The following PLA2G4E variants were observed in gnomAD, a reference collection of about 807,000 sequenced individuals.
The protein encoded by PLA2G4E is phospholipase A2 group IVE, also known as cytosolic phospholipase A2 epsilon.
PLA2G4E carries 84 observed loss-of-function variants against 109.1 expected under a neutral mutation model. The ratio of observed to expected loss-of-function variants is 0.77; its 90% confidence interval spans 0.65 to 0.92. PLA2G4E has a LOEUF of 0.92. Ranked by LOEUF, PLA2G4E falls within the 40% of genes least tolerant of loss-of-function variation. PLA2G4E has a pLI of 0.00. For synonymous variants in PLA2G4E, 469 were observed against 436.1 expected, an observed-to-expected ratio of 1.08 and a Z score of -0.94; for missense variants, 1,057 against 1,076.6, an observed-to-expected ratio of 0.98 and a Z score of 0.25.
rs529809046 is a variant in PLA2G4E at position 42,018,918 on chromosome 15, G to A, written c.184-5161C>T. ...AGATATGACTTTTGGCAGGGGTGAGGGTGGGGAACAAAATGTATGACTCTG... is the reference window on the plus strand; with the variant it reads ...AGATATGACTTTTGGCAGGGGTGAGAGTGGGGAACAAAATGTATGACTCTG... On this transcript the variant is annotated intron_variant, in intron 1 of 19. Transcript: ENST00000399518. Among the ~76,000 whole-genome samples, 4 of 152,182 alleles carry A rather than the reference G, an allele frequency of 2.6e-5. 1 individual carries two copies. The South Asian group carries it at 8.3e-4, about 32-fold the overall frequency.
At chr15:42,003,119 T>G (rs889143678) in intron 5 of PLA2G4E, among the ~76,000 whole-genome samples, 4 of 152,252 alleles carry the variant, frequency 2.6e-5, no homozygotes, top group Non-Finnish European at 5.9e-5. Context: ...TTTAACAGTC[T>G]GACCCAGCTG....
chr15:42,048,400 GCCCTTT>G (rs1889450927), intron 1 of PLA2G4E, among the ~76,000 whole-genome samples: 1 of 152,186 alleles, frequency 6.6e-6, no homozygotes, highest in African/African-American at 2.4e-5. Flanking sequence ...TAGTGGATTG[GCCCTTT>G]ATGTTTTCCA....
chr15:42,013,183 G>T (rs773861756), intron 2 of PLA2G4E, among the ~76,000 whole-genome samples: 2 of 152,190 alleles, frequency 1.3e-5, no homozygotes, highest in Non-Finnish European at 2.9e-5. Flanking sequence ...GTGGACTCTG[G>T]CATGGTCCCC....
rs2068102191 is a variant in PLA2G4E, at chr15:41,984,114, TCACA to T, written c.2387-144_2387-141del. On this transcript the variant is annotated intron_variant, in intron 19 of 19. Transcript: ENST00000399518. ...TGAAAACCTGTACACACGCACACCC[TCACA>T]CACGCACCTGCACACCTGCAAGCTC... The T allele has an allele frequency of 7.6e-6, 6 of 788,188 alleles. No individual in the cohort carries two copies. The East Asian group carries it at 1.3e-4, about 18-fold the overall frequency. The allele number at this position is 788,188 out of a possible 1,614,324, so 48.8% of individuals were successfully genotyped here. A position where few individuals can be genotyped will look rare whatever the true frequency, so the allele number is the denominator to read the frequency against.
intron 6 of PLA2G4E, among the ~76,000 whole-genome samples, chr15:42,002,407 T>G (rs892298642): frequency 2.0e-5 from 3 of 151,956 alleles, no homozygotes; most frequent in Admixed American, 6.6e-5. Flanking sequence ...AAGGGTCACT[T>G]TTGGGATATG....
At chr15:42,017,290 G>A (rs999195324) in intron 1 of PLA2G4E, among the ~76,000 whole-genome samples, 2 of 152,170 alleles carry the variant, frequency 1.3e-5, no homozygotes, top group Non-Finnish European at 2.9e-5. Context: ...TCTCCCTTGG[G>A]ACCTCACTCC....
chr15:42,032,001 G>A (rs1248297730), intron 1 of PLA2G4E, among the ~76,000 whole-genome samples: 1 of 152,162 alleles, frequency 6.6e-6, no homozygotes, highest in Non-Finnish European at 1.5e-5. Context: ...TGGTGGTAAT[G>A]AGTGAGTTCT....
intron 1 of PLA2G4E, among the ~76,000 whole-genome samples, chr15:42,024,456 C>A (rs1381818909): frequency 1.3e-5 from 2 of 152,232 alleles, no homozygotes; most frequent in Non-Finnish European, 2.9e-5. Flanking sequence ...GACTCCAGGC[C>A]TGTCGCCAGG....
At chr15:42,015,861 C>A (rs1472772562) in intron 1 of PLA2G4E, among the ~76,000 whole-genome samples, 1 of 152,248 alleles carries the variant, frequency 6.6e-6, no homozygotes, top group African/African-American at 2.4e-5. Context: ...GAAGGGGCAG[C>A]CTCGCACGGG....
intron 1 of PLA2G4E, among the ~76,000 whole-genome samples, chr15:42,038,121 C>T (rs2141075015): frequency 6.6e-6 from 1 of 152,280 alleles, no homozygotes; most frequent in East Asian, 1.9e-4. Flanking sequence ...CACATTTTTT[C>T]CCATTTTAAA....
At position 41,992,966 on chromosome 15, in the gene PLA2G4E, A is replaced by C. The variant is rs2068276818; in HGVS notation, c.1248-7T>G. 13 of 1,605,752 alleles carry C rather than the reference A, an allele frequency of 8.1e-6. No individual in the cohort carries two copies. The highest frequency in any genetic ancestry group is 1.3e-5 in the African/African-American group (1 of 74,750). ...GTACAAGGTAGCCATGGTCCTGGAA[A>C]GAGACAGGCACAGCTGATAGGGCTG... On this transcript the variant is annotated splice_region_variant and splice_polypyrimidine_tract_variant and intron_variant, in intron 12 of 19. Transcript: ENST00000399518.
chr15:41,984,339 G>A, intron 19 of PLA2G4E, 97 bp downstream of exon 19: 1 of 1,337,108 alleles, frequency 7.5e-7, no homozygotes, highest in Non-Finnish European at 1.0e-6. Context: ...AGCTGAGCCA[G>A]GCTTCCCCGT....
chr15:42,010,142 C>CCCCCGCCG, intron 2 of PLA2G4E: 1 of 454,254 alleles, frequency 2.2e-6, no homozygotes, highest in South Asian at 1.9e-5. Context: ...GCCCCCCCAC[C>CCCCCGCCG]CCGGGCCTGG....
chr15:42,010,132 G>T, intron 2 of PLA2G4E: 1 of 417,170 alleles, frequency 2.4e-6, no homozygotes. Context: ...CAGAACACTG[G>T]CCCCCCCACC....
chr15:42,000,068 TC>T (rs1191191947), intron 8 of PLA2G4E, 35 bp downstream of exon 8: 3 of 1,573,004 alleles, frequency 1.9e-6, no homozygotes, highest in East Asian at 4.7e-5. Context: ...CCTGTCCCAG[TC>T]CCCCACACCT....
chr15:42,038,592 G>A (rs760538669), intron 1 of PLA2G4E, among the ~76,000 whole-genome samples: 3 of 152,204 alleles, frequency 2.0e-5, no homozygotes, highest in Admixed American at 6.5e-5. Context: ...GAGCTCAGGC[G>A]CTAATGTTCA....
chr15:41,988,568 A>G (rs1158196782), intron 15 of PLA2G4E, among the ~76,000 whole-genome samples: 4 of 152,222 alleles, frequency 2.6e-5, no homozygotes, highest in Non-Finnish European at 4.4e-5. Context: ...TAGGCATTAG[A>G]CATTGACCCA....
At chr15:42,034,545 C>A (rs1889173812) in intron 1 of PLA2G4E, among the ~76,000 whole-genome samples, 1 of 152,204 alleles carries the variant, frequency 6.6e-6, no homozygotes, top group Non-Finnish European at 1.5e-5. Context: ...ATCCTCCTTT[C>A]TCAAAGGTGG....
At chr15:41,999,969 A>G in exon 9 of PLA2G4E, 2 of 1,611,090 alleles carry the variant, frequency 1.2e-6, no homozygotes, top group Non-Finnish European at 1.7e-6. Context: ...GGGCTGGCTG[A>G]TGGGGCCCTT....
Sources: gnomAD v4.1 joint callset for allele counts (sites outside exome capture counted in the v4.1 genomes callset) on GRCh38, gnomAD v4.1.1 for gene constraint, MANE v1.5 for transcripts, NCBI Gene and HGNC (gene_info 2026-07-23, HGNC 2026-07-21) for gene names.